SRRM4: variants seen among roughly 807,000 people sequenced by gnomAD.
SRRM4 encodes the protein serine/arginine repetitive matrix protein 4.
Under a neutral mutation model 68.9 loss-of-function variants are expected in SRRM4, and 33 were observed. The ratio of observed to expected loss-of-function variants is 0.48; its 90% confidence interval spans 0.36 to 0.64. SRRM4 has a LOEUF of 0.64. Among genes scored for constraint, SRRM4 ranks in the 30% least tolerant of loss-of-function variants. The probability of loss-of-function intolerance (pLI) is 0.00; values close to 1 mark genes in which losing one functional copy is unlikely to be tolerated. For missense variants in SRRM4, 817 were observed against 827.1 expected (o/e 0.99, Z 0.15); for synonymous variants, 318 against 318.8 (o/e 1.00, Z 0.03).
At position 119,156,833 on chromosome 12, in the gene SRRM4, C is replaced by G; in HGVS notation, c.*35C>G. On this transcript the variant is annotated 3_prime_UTR_variant, in exon 13 of 13. Transcript: ENST00000267260. ...AGCCAGCTGCCCGTGGGGGCCCCTT[C>G]GCGCTGCCAGCCTCCCCCAACCACC... 1 of 1,485,460 alleles carries G rather than the reference C, an allele frequency of 6.7e-7. No homozygotes were observed. The highest frequency in any genetic ancestry group is 8.9e-7 in the Non-Finnish European group (1 of 1,120,708). The allele number at this position is 1,485,460 out of a possible 1,614,324, so 92.0% of individuals were successfully genotyped here. A position where few individuals can be genotyped will look rare whatever the true frequency, so the allele number is the denominator to read the frequency against.
Position 119,054,409 on chromosome 12 carries a change from G to A in SRRM4, c.132-47827G>A, listed in dbSNP as rs117525974. Among the ~76,000 whole-genome samples the A allele has an allele frequency of 7.8e-3, 1,186 of 152,318 alleles. 10 individuals are homozygous for A. The highest frequency in any genetic ancestry group is 0.017 in the Middle Eastern group (5 of 294). The stretch of plus-strand genomic sequence containing the variant: ...GGGAATATTATTATCCTACTTCACA[G>A]TTGAGGCACAGGGAAGTAGGGTAAC... On this transcript the variant is annotated intron_variant, in intron 1 of 12. Coordinates refer to ENST00000267260, the MANE Select transcript of SRRM4 (RefSeq NM_194286.4).
At chr12:119,017,567 G>A (rs1305914555) in intron 1 of SRRM4, among the ~76,000 whole-genome samples, 4 of 152,204 alleles carry the variant, frequency 2.6e-5, no homozygotes, top group Non-Finnish European at 5.9e-5. Context: ...GGTGGCAGGA[G>A]TGGGAGCAGG....
At chr12:119,089,316 T>C (rs1953999627) in intron 1 of SRRM4, among the ~76,000 whole-genome samples, 1 of 152,154 alleles carries the variant, frequency 6.6e-6, no homozygotes, top group Non-Finnish European at 1.5e-5. Context: ...GATAAAGCTC[T>C]CTAATAAACC....
At chr12:119,107,637 T>A (rs1000139478) in intron 2 of SRRM4, among the ~76,000 whole-genome samples, 1 of 152,216 alleles carries the variant, frequency 6.6e-6, no homozygotes, top group Non-Finnish European at 1.5e-5. Flanking sequence ...TGATGGTAGT[T>A]TGTATTTCTG....
chr12:119,130,420 T>TGGATGGAC (rs1555220474), intron 7 of SRRM4, among the ~76,000 whole-genome samples: 3 of 146,712 alleles, frequency 2.0e-5, no homozygotes, highest in Admixed American at 2.0e-4. Flanking sequence ...GATGGATGGA[T>TGGATGGAC]GGATGGATGG....
intron 9 of SRRM4, among the ~76,000 whole-genome samples, chr12:119,146,254 A>C (rs1277547977): frequency 6.6e-6 from 1 of 152,046 alleles, no homozygotes; most frequent in Non-Finnish European, 1.5e-5. Context: ...CTAGGCAGGC[A>C]AAAAAACAGA....
chr12:119,125,398 G>T lies in SRRM4; in HGVS notation c.533G>T (p.Arg178Leu). ...RHKKQSRSRP[R>L]KSHRHRHHRC... ...CCCCCAAGATCTCGAAGCCGGCCCC[G>T]AAAGTCTCACCGCCACCGCCATCAC... The change falls in exon 7 of 13, where the codon CGA becomes CTA. Residue 178 changes from arginine to leucine, a missense_variant. Coordinates refer to ENST00000267260, the MANE Select transcript of SRRM4 (RefSeq NM_194286.4). The T allele has an allele frequency of 6.2e-7, 1 of 1,612,876 alleles. No homozygotes were observed. The highest frequency in any genetic ancestry group is 2.2e-5 in the East Asian group (1 of 44,752).
At chr12:119,048,600 C>A (rs779136554) in intron 1 of SRRM4, among the ~76,000 whole-genome samples, 17 of 152,046 alleles carry the variant, frequency 1.1e-4, no homozygotes, top group Non-Finnish European at 2.4e-4. Context: ...ATTCTCTGAG[C>A]CTTGGTCTCC....
At chr12:118,987,563 C>T (rs1835109973) in intron 1 of SRRM4, among the ~76,000 whole-genome samples, 1 of 152,188 alleles carries the variant, frequency 6.6e-6, no homozygotes, top group African/African-American at 2.4e-5. Context: ...GTTGCAAATG[C>T]TTACGGGCTA....
At chr12:119,141,105 C>A (rs1052771038) in intron 8 of SRRM4, among the ~76,000 whole-genome samples, 2 of 152,174 alleles carry the variant, frequency 1.3e-5, no homozygotes, top group African/African-American at 2.4e-5. Context: ...CCACACCCGG[C>A]TAATTTTTGT....
chr12:119,035,260 G>T (rs1953619346), intron 1 of SRRM4, among the ~76,000 whole-genome samples: 1 of 152,088 alleles, frequency 6.6e-6, no homozygotes, highest in Non-Finnish European at 1.5e-5. Flanking sequence ...GAAGAAATTT[G>T]GGGCCTGCCT....
chr12:119,031,483 C>G (rs182298185), intron 1 of SRRM4, among the ~76,000 whole-genome samples: 106 of 152,204 alleles, frequency 7.0e-4, no homozygotes, highest in Middle Eastern at 3.4e-3. Context: ...AATGTGAACA[C>G]CAGAAAGAAG....
chr12:118,982,188 G>A (rs986651080), intron 1 of SRRM4, among the ~76,000 whole-genome samples, 175 bp downstream of exon 1: 1 of 152,190 alleles, frequency 6.6e-6, no homozygotes, highest in Non-Finnish European at 1.5e-5. Flanking sequence ...GGTGGAAGAT[G>A]GTGAGAAGGG....
chr12:119,125,457 C>T lies in SRRM4; in HGVS notation c.592C>T (p.Arg198Cys), dbSNP rs1954252192. The change falls in exon 7 of 13, where the codon CGC becomes TGC. Residue 198 changes from arginine to cysteine, a missense_variant. Transcript: ENST00000267260. ...CTCGCGGTCCCAGAGCTCGGAGTCC[C>T]GCCCCTCAAGCTGTGAGAGCAGGTA... is the stretch of plus-strand genomic sequence containing the variant. Reference protein sequence around the residue: ...CPSRSQSSESRPSSCESRHRG... With the variant: ...CPSRSQSSESCPSSCESRHRG... The T allele has an allele frequency of 2.5e-6, 4 of 1,609,246 alleles. No homozygotes were observed. The highest frequency in any genetic ancestry group is 1.1e-5 in the South Asian group (1 of 90,536).
At chr12:119,017,577 G>A (rs529524105) in intron 1 of SRRM4, among the ~76,000 whole-genome samples, 51 of 152,306 alleles carry the variant, frequency 3.3e-4, no homozygotes, top group African/African-American at 1.2e-3. Context: ...GTGGGAGCAG[G>A]GGAGGAGACG....
chr12:119,030,387 C>A (rs1460154644), intron 1 of SRRM4, among the ~76,000 whole-genome samples: 2 of 152,166 alleles, frequency 1.3e-5, no homozygotes, highest in Non-Finnish European at 2.9e-5. Flanking sequence ...CCCAGGAAAT[C>A]AGGCAGAGTG....
At chr12:118,998,816 C>G (rs1953366181) in intron 1 of SRRM4, among the ~76,000 whole-genome samples, 1 of 152,198 alleles carries the variant, frequency 6.6e-6, no homozygotes, top group African/African-American at 2.4e-5. Flanking sequence ...GGCCAGAGGG[C>G]TTTGTCTTAT....
At chr12:119,117,079 G>GGTCA (rs1406747042) in intron 4 of SRRM4, 71 bp downstream of exon 4, 2 of 1,246,188 alleles carry the variant, frequency 1.6e-6, no homozygotes, top group Non-Finnish European at 2.3e-6. Flanking sequence ...GGCACTAAAA[G>GGTCA]GTCATCTGGA....
rs187588053 is a variant in SRRM4, at chr12:119,057,547, A to G, written c.132-44689A>G. ...ATCTTGTTCCATTTTATGGCTACAT[A>G]GTATTCCAGGGTGTATATATACCAC... is the stretch of plus-strand genomic sequence containing the variant. On this transcript the variant is annotated intron_variant, in intron 1 of 12. Transcript: ENST00000267260. Among the ~76,000 whole-genome samples the G allele has an allele frequency of 6.5e-4, 99 of 152,312 alleles. No individual in the cohort carries two copies. The East Asian group carries it at 0.015, about 23-fold the overall frequency.
Sources: gnomAD v4.1 joint callset for allele counts (sites outside exome capture counted in the v4.1 genomes callset) on GRCh38, gnomAD v4.1.1 for gene constraint, MANE v1.5 for transcripts, NCBI Gene and HGNC (gene_info 2026-07-23, HGNC 2026-07-21) for gene names.